FILIP1L: variants seen among roughly 807,000 people sequenced by gnomAD.
FILIP1L encodes the protein filamin A-interacting protein 1-like.
Under a neutral mutation model 96.6 loss-of-function variants are expected in FILIP1L, and 55 were observed. That is an observed-to-expected ratio of 0.57 (90% CI 0.46 to 0.71). FILIP1L has a LOEUF of 0.71. Ranked by LOEUF, FILIP1L falls within the 30% of genes least tolerant of loss-of-function variation. The pLI is 0.00. For missense variants in FILIP1L, 1,304 were observed against 1,321.2 expected (o/e 0.99, Z 0.20); for synonymous variants, 467 against 473.9 (o/e 0.99, Z 0.19).
chr3:99,883,428 G>T (rs1426213455), intron 4 of FILIP1L, among the ~76,000 whole-genome samples: 2 of 152,172 alleles, frequency 1.3e-5, no homozygotes, highest in Non-Finnish European at 2.9e-5. Context: ...TGTCCAAAAG[G>T]TTGGTGCTTA....
At chr3:99,945,685 CA>C (rs2107681769) in intron 1 of FILIP1L, among the ~76,000 whole-genome samples, 1 of 152,304 alleles carries the variant, frequency 6.6e-6, no homozygotes, top group Non-Finnish European at 1.5e-5. Flanking sequence ...TTTCAGCATG[CA>C]AAACCCAGAC....
intron 1 of FILIP1L, among the ~76,000 whole-genome samples, chr3:100,078,911 T>G: frequency 6.6e-6 from 1 of 151,924 alleles, no homozygotes. Context: ...GAAAAAAAGA[T>G]TGCAAAAAAT....
intron 4 of FILIP1L, among the ~76,000 whole-genome samples, chr3:99,881,848 T>C (rs1705740394): frequency 6.6e-6 from 1 of 152,186 alleles, no homozygotes; most frequent in South Asian, 2.1e-4. Context: ...CTTTTTTAAG[T>C]AATACATTTT....
At chr3:99,944,374 A>C (rs1707943995) in intron 1 of FILIP1L, among the ~76,000 whole-genome samples, 1 of 152,216 alleles carries the variant, frequency 6.6e-6, no homozygotes, top group African/African-American at 2.4e-5. Flanking sequence ...GTTCCAAAAA[A>C]GATGACAAAG....
intron 1 of FILIP1L, among the ~76,000 whole-genome samples, chr3:100,012,867 AGGC>A (rs1710201604): frequency 6.7e-6 from 1 of 148,494 alleles, no homozygotes; most frequent in Non-Finnish European, 1.5e-5. Flanking sequence ...TCCACCTCCC[AGGC>A]TCAAGCAGTC....
At chr3:100,095,129 A>T (rs185253799) in intron 1 of FILIP1L, among the ~76,000 whole-genome samples, 2 of 152,160 alleles carry the variant, frequency 1.3e-5, no homozygotes, top group Non-Finnish European at 2.9e-5. Flanking sequence ...TACAGTCTTG[A>T]TTACTATAGT....
At chr3:99,851,610 G>A (rs1460237972) in intron 4 of FILIP1L, among the ~76,000 whole-genome samples, 1 of 152,164 alleles carries the variant, frequency 6.6e-6, no homozygotes, top group East Asian at 1.9e-4. Flanking sequence ...TAAGCATTTG[G>A]TATTAGTTGT....
chr3:100,064,217 T>C (rs1349849183), intron 1 of FILIP1L, among the ~76,000 whole-genome samples: 1 of 152,144 alleles, frequency 6.6e-6, no homozygotes, highest in East Asian at 1.9e-4. Flanking sequence ...GGACGTGTGG[T>C]GGATTGGGAA....
intron 1 of FILIP1L, among the ~76,000 whole-genome samples, chr3:100,060,122 A>G (rs1436553541): frequency 1.3e-5 from 2 of 152,182 alleles, no homozygotes; most frequent in Non-Finnish European, 2.9e-5. Flanking sequence ...GATTTGAGGA[A>G]ACTGGAGGTG....
chr3:99,974,694 C>T (rs1004965193), intron 1 of FILIP1L, among the ~76,000 whole-genome samples: 2 of 151,882 alleles, frequency 1.3e-5, no homozygotes, highest in African/African-American at 4.8e-5. Flanking sequence ...GTAACAAGAG[C>T]GAAACTCCAT....
rs555785841 is a variant in FILIP1L at position 100,093,912 on chromosome 3, C to G, written c.-11+20141G>C. Among the ~76,000 whole-genome samples the G allele has an allele frequency of 9.2e-5, 14 of 152,118 alleles. No homozygotes were observed. The East Asian group carries it at 2.5e-3, about 27-fold the overall frequency. ...ATTTTTTGGCTATTACAAATAAAAC[C>G]ACCATAAAGATTTGTGTACAGGTTG... On this transcript the variant is annotated intron_variant, in intron 1 of 5. Coordinates refer to ENST00000477258, the MANE Select transcript of FILIP1L (RefSeq NM_001387850.1).
intron 4 of FILIP1L, among the ~76,000 whole-genome samples, chr3:99,919,795 G>A (rs1024115005): frequency 6.6e-6 from 1 of 152,130 alleles, no homozygotes; most frequent in African/African-American, 2.4e-5. Context: ...AGGGAGAGGT[G>A]GAAGTGCTTT....
intron 1 of FILIP1L, among the ~76,000 whole-genome samples, chr3:100,013,487 A>T (rs1710227688): frequency 6.6e-6 from 1 of 151,892 alleles, no homozygotes; most frequent in African/African-American, 2.4e-5. Flanking sequence ...CAGGTGGTCC[A>T]TCCACCTCGG....
intron 4 of FILIP1L, among the ~76,000 whole-genome samples, chr3:99,855,322 AG>A (rs887282022): frequency 6.6e-6 from 1 of 152,216 alleles, no homozygotes; most frequent in Non-Finnish European, 1.5e-5. Context: ...TCATGCAAAA[AG>A]GGCGTTAAAT....
At chr3:99,877,676 C>G (rs1705581169) in intron 4 of FILIP1L, among the ~76,000 whole-genome samples, 1 of 152,176 alleles carries the variant, frequency 6.6e-6, no homozygotes, top group African/African-American at 2.4e-5. Context: ...CTCTTCTGCC[C>G]TATACTTGTG....
chr3:100,034,839 C>T (rs906780854), intron 1 of FILIP1L, among the ~76,000 whole-genome samples: 7 of 152,126 alleles, frequency 4.6e-5, no homozygotes, highest in African/African-American at 1.4e-4. Context: ...GATCAGTAAA[C>T]GGTATATACA....
intron 5 of FILIP1L, among the ~76,000 whole-genome samples, chr3:99,842,419 G>C (rs1288286777): frequency 2.0e-5 from 3 of 150,468 alleles, no homozygotes; most frequent in Non-Finnish European, 4.4e-5. Context: ...CAGAATCTCA[G>C]AAGTCAGCAC....
At chr3:99,965,559 TAGC>T (rs1708625046) in intron 1 of FILIP1L, among the ~76,000 whole-genome samples, 1 of 152,238 alleles carries the variant, frequency 6.6e-6, no homozygotes, top group Admixed American at 6.5e-5. Flanking sequence ...ACATACCTGA[TAGC>T]AGCAATTTAA....
At chr3:99,998,226 T>C (rs1342835562) in intron 1 of FILIP1L, among the ~76,000 whole-genome samples, 1 of 152,242 alleles carries the variant, frequency 6.6e-6, no homozygotes, top group East Asian at 1.9e-4. Context: ...CTTAGTTCTA[T>C]AAATTAGTAG....
Sources: allele counts gnomAD v4.1 joint callset (sites outside exome capture counted in the v4.1 genomes callset), GRCh38; gene constraint gnomAD v4.1.1; transcripts MANE v1.5; gene names NCBI Gene and HGNC (gene_info 2026-07-23, HGNC 2026-07-21).